OBSL1: variants seen among roughly 807,000 people sequenced by gnomAD.
The protein encoded by OBSL1 is obscurin-like protein 1.
In OBSL1, 160 loss-of-function variants were observed where a neutral mutation model predicts 172.0. The observed-to-expected ratio is 0.93, with a 90% CI of 0.82 to 1.06. The LOEUF is 1.06. Ranked by LOEUF, OBSL1 falls within the 50% of genes least tolerant of loss-of-function variation. The pLI is 0.00. For missense variants in OBSL1, 2,681 were observed against 2,715.4 expected (o/e 0.99, Z 0.28); for synonymous variants, 1,200 against 1,196.3 (o/e 1.00, Z -0.06).
intron 18 of OBSL1, 47 bp downstream of exon 18, chr2:219,552,489 C>A: frequency 6.5e-7 from 1 of 1,546,266 alleles, no homozygotes; most frequent in South Asian, 1.2e-5. Context: ...CTGTTCGAGC[C>A]TGGGCGGGGC....
At position 219,551,520 on chromosome 2, in the gene OBSL1, T is replaced by G. The variant is rs376272022; in HGVS notation, c.5683+9A>C. 1 of 1,574,266 alleles carries G rather than the reference T, an allele frequency of 6.4e-7. No homozygotes were observed. The highest frequency in any genetic ancestry group is 8.6e-7 in the Non-Finnish European group (1 of 1,158,238). On this transcript the variant is annotated intron_variant, in intron 20 of 20. Transcript: ENST00000404537. ...ACCCTCCTGCCGCTGCCCAGTTGGCTTTACTCACCCTCTACCAGCAGCCGT... is the reference window on the plus strand; with the variant it reads ...ACCCTCCTGCCGCTGCCCAGTTGGCGTTACTCACCCTCTACCAGCAGCCGT...
chr2:219,560,695 C>T (rs1469049394), intron 8 of OBSL1, among the ~76,000 whole-genome samples: 4 of 152,200 alleles, frequency 2.6e-5, no homozygotes, highest in African/African-American at 7.2e-5. Flanking sequence ...CCAGCCTCCA[C>T]GGAGACTCCT....
chr2:219,554,660 A>G lies in OBSL1; in HGVS notation c.4690T>C (p.Ser1564Pro). Residue 1564 changes from serine (S) to proline (P), a missense_variant, in exon 15 of 21, where the codon TCC (serine) becomes CCC (proline). Transcript: ENST00000404537. ...CACTCCCCGGTCACACCTTCCTGGG[A>G]CAGCTCCAGCTGGAAGGTGGCACTG... ...GGSATFQLEL[S>P]QEGVTGEWAR... The G allele has an allele frequency of 6.2e-7, 1 of 1,605,448 alleles. No homozygotes were observed. Among genetic ancestry groups the G allele is most frequent in the Admixed American group, 1.7e-5 (1 of 58,794 alleles).
chr2:219,562,598 G>C lies in OBSL1; in HGVS notation c.2757C>G (p.Thr919=), dbSNP rs1247524310. Reference sequence around the variant, plus strand: ...CTGCCCAGGGCCGGCATAGCTCACAGGTCAGCACCACACGCTCCAGGCGCA... The same window carrying C: ...CTGCCCAGGGCCGGCATAGCTCACACGTCAGCACCACACGCTCCAGGCGCA... ...AAVRLERVVL[T]CELCRPWAEV... Residue 919 remains threonine (T), a synonymous_variant, in exon 8 of 21, where the codon ACC becomes ACG. Transcript: ENST00000404537. 6.2e-7 allele frequency: 1 copy of C among 1,610,426 alleles called. No individual in the cohort carries two copies. The highest frequency in any genetic ancestry group is 8.5e-7 in the Non-Finnish European group (1 of 1,178,536).
At chr2:219,549,793 AC>A, downstream of OBSL1, 1 of 1,614,090 alleles carries the variant, frequency 6.2e-7, no homozygotes, top group Non-Finnish European at 8.5e-7. Context: ...ACAGATGCGG[AC>A]TATGAGTATG....
chr2:219,570,836 C>A lies in OBSL1; in HGVS notation c.397G>T (p.Gly133Trp). The change falls in exon 1 of 21, where the codon GGG (glycine) becomes TGG (tryptophan). Residue 133 changes from glycine to tryptophan, a missense_variant. By Grantham distance (184) the Gly-to-Trp change is radical (BLOSUM62 -2). Around this residue, in one of 5 missense-constraint regions of OBSL1, gnomAD observed 706 missense variants for 695.8 expected, o/e 1.01. Coordinates refer to ENST00000404537, the MANE Select transcript of OBSL1 (RefSeq NM_015311.3). ...CGCAGCACCCACTGGGATCGAGGCC[C>A]CGTGAGGAAGACCGGGGCGCCCTCC... ...SGEGAPVFLT[G>W]PRSQWVLRGA... 1 of 1,456,256 alleles carries A rather than the reference C, an allele frequency of 6.9e-7. No individual in the cohort carries two copies. The highest frequency in any genetic ancestry group is 1.8e-4 in the Middle Eastern group (1 of 5,676). The allele number at this position is 1,456,256 out of a possible 1,614,324, so 90.2% of individuals were successfully genotyped here. A position where few individuals can be genotyped will look rare whatever the true frequency, so the allele number is the denominator to read the frequency against.
rs753257379 is a variant in OBSL1 at position 219,557,493 on chromosome 2, C to T, written c.3916G>A (p.Gly1306Arg). ...PGGPVRWYKD[G>R]ERLASQGRVQ... Reference sequence around the variant, plus strand: ...CGCCCCTGGCTTGCCAGTCGCTCCCCGTCCTTGTACCAGCGTACAGGGCCC... The same window carrying T: ...CGCCCCTGGCTTGCCAGTCGCTCCCTGTCCTTGTACCAGCGTACAGGGCCC... Residue 1306 changes from glycine (G) to arginine (R), a missense_variant, in exon 12 of 21, where the codon GGG (glycine) becomes AGG (arginine). This residue lies in a region of OBSL1 where 1,765 missense variants were observed against 1,748.3 expected (regional missense o/e 1.01). Transcript: ENST00000404537. 59 of 1,552,998 alleles carry T rather than the reference C, an allele frequency of 3.8e-5. No homozygotes were observed. The East Asian group carries it at 1.0e-3, about 26-fold the overall frequency.
chr2:219,565,190 G>A (rs1380403059), intron 6 of OBSL1, 52 bp downstream of exon 6: 8 of 1,537,748 alleles, frequency 5.2e-6, no homozygotes, highest in Admixed American at 3.8e-5. Flanking sequence ...TGGCTTATGC[G>A]GCCCCACAAT....
rs747903787 is a variant in OBSL1 at position 219,551,559 on chromosome 2, C to T, written c.5653G>A (p.Asp1885Asn). 6.3e-7 allele frequency: 1 copy of T among 1,599,996 alleles called. No homozygotes were observed. Residue 1885 changes from aspartate to asparagine, a missense_variant, in exon 20 of 21, where the codon GAC becomes AAC. Transcript: ENST00000404537. ...QGTYCCQAGQ[D>N]STHTRLLVEG... ...ACCAGCAGCCGTGTGTGGGTGCTGT[C>T]CTGGCCGGCCTGGCAGCAGTAAGTG...
In OBSL1 at chr2:219,570,774, GC is replaced by G; in HGVS notation, c.458del (p.Gly153AlafsTer105). ...CCCAGTACAGTGTGGGCTCGGGGAG[GC>G]CCCCCGCCCGGCACGTCAGCACCAC... is the stretch of plus-strand genomic sequence containing the variant. ...AEVVLTCRAGGLPEPTLYWEK... is the reference protein window; with the variant it reads ...AEVVLTCRAGXLPEPTLYWEK... On this transcript the variant is annotated frameshift_variant, in exon 1 of 21. Transcript: ENST00000404537. LOFTEE classifies it high-confidence loss of function. 7.4e-6 allele frequency: 11 copies of G among 1,489,526 alleles called. No individual in the cohort carries two copies. Among genetic ancestry groups the G allele is most frequent in the Admixed American group, 6.6e-5 (3 of 45,306 alleles). The allele number at this position is 1,489,526 out of a possible 1,614,324, so 92.3% of individuals were successfully genotyped here.
chr2:219,570,808 C>A lies in OBSL1; in HGVS notation c.425G>T (p.Gly142Val). ...TGPRSQWVLR[G>V]AEVVLTCRAG... ...CCGGCACGTCAGCACCACCTCCGCC[C>A]CCCGCAGCACCCACTGGGATCGAGG... is the stretch of plus-strand genomic sequence containing the variant. Residue 142 changes from glycine (G) to valine (V), a missense_variant, in exon 1 of 21, where the codon GGG (glycine) becomes GTG (valine). Physicochemically the swap from Gly to Val is moderately radical, Grantham distance 109 (BLOSUM62 -3). Coordinates refer to ENST00000404537, the MANE Select transcript of OBSL1 (RefSeq NM_015311.3). The A allele has an allele frequency of 1.3e-6, 2 of 1,484,368 alleles. No homozygotes were observed. The highest frequency in any genetic ancestry group is 1.8e-6 in the Non-Finnish European group (2 of 1,123,932). 91.9% of individuals were successfully genotyped at this position (1,484,368 alleles called of 1,614,324 possible). A position where few individuals can be genotyped will look rare whatever the true frequency, so the allele number is the denominator to read the frequency against.
At chr2:219,562,109 T>C in intron 8 of OBSL1, 1 of 698,202 alleles carries the variant, frequency 1.4e-6, no homozygotes, top group Non-Finnish European at 2.7e-6. Context: ...GCCTGGCAGC[T>C]CATTCAGAAT....
intron 18 of OBSL1, 117 bp from the exon 19 acceptor site, chr2:219,552,333 T>C: frequency 9.9e-7 from 1 of 1,010,394 alleles, no homozygotes. Flanking sequence ...TATGCTAGGG[T>C]GGGCGGAACA....
chr2:219,566,711 G>A, intron 5 of OBSL1, 119 bp downstream of exon 5: 2 of 1,176,338 alleles, frequency 1.7e-6, no homozygotes, highest in Non-Finnish European at 2.3e-6. Context: ...GCCCATCATG[G>A]ATGCTCCTTG....
At chr2:219,567,599 TC>T (rs772189985) in intron 3 of OBSL1, 24 bp from the exon 4 acceptor site, 7 of 1,599,588 alleles carry the variant, frequency 4.4e-6, no homozygotes, top group Admixed American at 3.4e-5. Flanking sequence ...AGGGATGTGT[TC>T]CGGCCTTGCT....
intron 7 of OBSL1, 52 bp downstream of exon 7, chr2:219,563,303 T>C (rs1040467339): frequency 1.3e-6 from 2 of 1,486,496 alleles, no homozygotes; most frequent in African/African-American, 2.8e-5. Flanking sequence ...GCTGTTCCAG[T>C]GGGAGCAGGG....
At chr2:219,563,246 A>G in intron 7 of OBSL1, 109 bp downstream of exon 7, 4 of 1,127,574 alleles carry the variant, frequency 3.5e-6, no homozygotes, top group South Asian at 1.7e-5. Flanking sequence ...TGCCAGGGGG[A>G]GGGCAGTAGG....
At chr2:219,561,571 TGC>T (rs1696469570) in intron 8 of OBSL1, among the ~76,000 whole-genome samples, 2 of 152,148 alleles carry the variant, frequency 1.3e-5, no homozygotes, top group African/African-American at 4.8e-5. Flanking sequence ...TGCCAGGCTG[TGC>T]AGTCCTAGAG....
intron 7 of OBSL1, chr2:219,563,059 C>T (rs1431038408): frequency 8.0e-6 from 4 of 500,472 alleles, no homozygotes; most frequent in African/African-American, 3.8e-5. Context: ...GACCACCAGC[C>T]CTAGACTCTG....
Sources: allele counts gnomAD v4.1 joint callset (sites outside exome capture counted in the v4.1 genomes callset), GRCh38; gene constraint gnomAD v4.1.1; regional missense constraint gnomAD v4.1.1; transcripts MANE v1.5; gene names NCBI Gene and HGNC (gene_info 2026-07-23, HGNC 2026-07-21).